The following ANKRD13D variants were observed in gnomAD, a reference collection of about 807,000 sequenced individuals.
The protein encoded by ANKRD13D is ankyrin repeat domain-containing protein 13D.
Under a neutral mutation model 68.8 loss-of-function variants are expected in ANKRD13D, and 24 were observed. The ratio of observed to expected loss-of-function variants is 0.35; its 90% confidence interval spans 0.25 to 0.49. ANKRD13D has a LOEUF of 0.49. Among genes scored for constraint, ANKRD13D ranks in the 20% least tolerant of loss-of-function variants. ANKRD13D has a pLI of 0.99. For missense variants in ANKRD13D, 735 were observed against 832.1 expected, an observed-to-expected ratio of 0.88 and a Z score of 1.44; for synonymous variants, 331 against 336.1, an observed-to-expected ratio of 0.98 and a Z score of 0.16.
intron 1 of ANKRD13D, 65 bp from the exon 2 acceptor site, chr11:67,290,013 C>A: frequency 6.7e-7 from 1 of 1,495,334 alleles, no homozygotes; most frequent in South Asian, 1.3e-5. Context: ...ACCCTGCTCG[C>A]CCTGGCAGCC....
intron 3 of ANKRD13D, chr11:67,290,661 C>G (rs567138270): frequency 6.0e-6 from 4 of 668,992 alleles, no homozygotes; most frequent in Non-Finnish European, 9.3e-6. Flanking sequence ...GGAAGAGAAG[C>G]CTTGCCAGCT....
At chr11:67,291,084 G>A (rs959087354) in intron 3 of ANKRD13D, 2 of 232,036 alleles carry the variant, frequency 8.6e-6, no homozygotes, top group African/African-American at 2.4e-5. Context: ...AGGGCCAGGC[G>A]TTGTGGCTTA....
At chr11:67,293,016 A>G (rs1860637216) in intron 6 of ANKRD13D, among the ~76,000 whole-genome samples, 1 of 152,208 alleles carries the variant, frequency 6.6e-6, no homozygotes, top group Admixed American at 6.5e-5. Flanking sequence ...CCATTGTATG[A>G]ATATACCATA....
intron 6 of ANKRD13D, among the ~76,000 whole-genome samples, chr11:67,294,560 A>C (rs570211384): frequency 7.0e-6 from 1 of 142,788 alleles, no homozygotes; most frequent in South Asian, 2.2e-4. Flanking sequence ...TTTTTTTTTG[A>C]GATGGAGTCT....
chr11:67,290,973 T>C (rs1420189846), intron 3 of ANKRD13D: 8 of 179,570 alleles, frequency 4.5e-5, no homozygotes, highest in Non-Finnish European at 8.3e-5. Flanking sequence ...GCTTACAGCC[T>C]CATTGTCTGA....
Position 67,292,115 on chromosome 11 carries a change from G to A in ANKRD13D, c.666G>A (p.Val222=). ...LAAMRPSEEH[V]ASRLTSPIVS... is the part of the protein sequence containing the mutation. ...CCATGCGGCCCAGCGAGGAGCATGTGGCCAGTCGCCTCACCTCTCCTATCG... is the reference window on the plus strand; with the variant it reads ...CCATGCGGCCCAGCGAGGAGCATGTAGCCAGTCGCCTCACCTCTCCTATCG... Residue 222 remains valine, a synonymous_variant, in exon 6 of 15, where the codon GTG becomes GTA. Coordinates refer to ENST00000511455, the MANE Select transcript of ANKRD13D (RefSeq NM_207354.3). 1.2e-6 allele frequency: 2 copies of A among 1,612,502 alleles called. No homozygotes were observed. The highest frequency in any genetic ancestry group is 1.3e-5 in the African/African-American group (1 of 75,054).
intron 6 of ANKRD13D, among the ~76,000 whole-genome samples, chr11:67,294,497 C>G (rs1471337446): frequency 6.6e-6 from 1 of 151,656 alleles, no homozygotes; most frequent in African/African-American, 2.4e-5. Flanking sequence ...ACTTTTGTTA[C>G]ATTTATTCCT....
At position 67,300,187 on chromosome 11, in the gene ANKRD13D, G is replaced by A. The variant is rs1860925439; in HGVS notation, c.1073+64G>A. The A allele has an allele frequency of 1.2e-6, 2 of 1,601,384 alleles. No individual in the cohort carries two copies. Among genetic ancestry groups the A allele is most frequent in the South Asian group, 2.2e-5 (2 of 89,530 alleles). ...AAGGGCTCTTGCAGACCCCTCTCTG[G>A]GCCTGTCATAGTTAGGGACCCACTC... On this transcript the variant is annotated intron_variant, in intron 10 of 14. Coordinates refer to ENST00000511455, the MANE Select transcript of ANKRD13D (RefSeq NM_207354.3). The surrounding 1 kb of genome is among the most constrained non-coding windows in gnomAD (Gnocchi z 4.3).
chr11:67,292,420 T>C (rs1280869760), intron 6 of ANKRD13D, among the ~76,000 whole-genome samples: 1 of 152,184 alleles, frequency 6.6e-6, no homozygotes. Flanking sequence ...GTTTCTTGAC[T>C]TCTGACCTCA....
chr11:67,300,675 C>A lies in ANKRD13D; in HGVS notation c.1074-315C>A. On this transcript the variant is annotated intron_variant, in intron 10 of 14. Transcript: ENST00000511455. The surrounding 1 kb of genome is among the most constrained non-coding windows in gnomAD (Gnocchi z 4.3). Reference sequence around the variant, plus strand: ...ACGTGAGCTGGTGACCAGCTCTGGGCTGAGGAGGAAAACGGGGCTGTGGGC... The same window carrying A: ...ACGTGAGCTGGTGACCAGCTCTGGGATGAGGAGGAAAACGGGGCTGTGGGC... 2.0e-6 allele frequency: 1 copy of A among 506,808 alleles called. No homozygotes were observed. The highest frequency in any genetic ancestry group is 3.5e-6 in the Non-Finnish European group (1 of 288,018). The allele number at this position is 506,808 out of a possible 1,614,324, so 31.4% of individuals were successfully genotyped here.
Position 67,301,918 on chromosome 11 carries a change from C to T in ANKRD13D, c.1604+95C>T. On this transcript the variant is annotated intron_variant, in intron 14 of 14. Transcript: ENST00000511455. The surrounding 1 kb of genome is among the most constrained non-coding windows in gnomAD (Gnocchi z 4.5). ...GGAAGGTGCTAGGACCCCAGGCCCT[C>T]TGCAAGGCCACCCTCTGTCAGCAGC... 1.4e-6 allele frequency: 2 copies of T among 1,398,416 alleles called. No homozygotes were observed. The highest frequency in any genetic ancestry group is 1.9e-6 in the Non-Finnish European group (2 of 1,044,294). The allele number at this position is 1,398,416 out of a possible 1,614,324, so 86.6% of individuals were successfully genotyped here.
intron 14 of ANKRD13D, 109 bp from the exon 15 acceptor site, chr11:67,302,010 C>T (rs1861027342): frequency 2.9e-6 from 4 of 1,395,824 alleles, no homozygotes; most frequent in Admixed American, 2.7e-5. Flanking sequence ...CCTCTGCTTG[C>T]CACCCTGTCT....
At position 67,289,523 on chromosome 11, in the gene ANKRD13D, A is replaced by G; in HGVS notation, c.63A>G (p.Glu21=). 1 of 1,521,782 alleles carries G rather than the reference A, an allele frequency of 6.6e-7. No homozygotes were observed. Among genetic ancestry groups the G allele is most frequent in the Non-Finnish European group, 8.8e-7 (1 of 1,141,932 alleles). 94.3% of individuals were successfully genotyped at this position (1,521,782 alleles called of 1,614,324 possible). The change falls in exon 1 of 15, where the codon GAA becomes GAG. Residue 21 remains glutamate (E), a synonymous_variant. Transcript: ENST00000511455. ...HRLVWANRHR[E]LEAALHSHQH... ...TCGTCTGGGCGAACCGGCATCGCGA[A>G]CTGGAGGCCGCACTGCACAGCCACC... is the stretch of plus-strand genomic sequence containing the variant.
chr11:67,302,013 C>G, intron 14 of ANKRD13D, 106 bp from the exon 15 acceptor site: 1 of 1,405,084 alleles, frequency 7.1e-7, no homozygotes, highest in Non-Finnish European at 9.5e-7. Context: ...CTGCTTGCCA[C>G]CCTGTCTTTG....
Position 67,299,761 on chromosome 11 carries a change from G to C in ANKRD13D, c.881-66G>C. 6.5e-7 allele frequency: 1 copy of C among 1,534,846 alleles called. No individual in the cohort carries two copies. Among genetic ancestry groups the C allele is most frequent in the Non-Finnish European group, 8.8e-7 (1 of 1,138,500 alleles). On this transcript the variant is annotated intron_variant, in intron 8 of 14. Transcript: ENST00000511455. The surrounding 1 kb of genome is among the most constrained non-coding windows in gnomAD (Gnocchi z 6.2). ...CTTCCCCCAGACAGTAGGCTCCAGG[G>C]GTGGAGGTGGGCAGGGGCGATGCGA...
In ANKRD13D at chr11:67,300,158, G is replaced by A; in HGVS notation, c.1073+35G>A. The A allele has an allele frequency of 6.2e-7, 1 of 1,612,054 alleles. No individual in the cohort carries two copies. The highest frequency in any genetic ancestry group is 1.1e-5 in the South Asian group (1 of 90,948). On this transcript the variant is annotated intron_variant, in intron 10 of 14. Transcript: ENST00000511455. This position sits in a 1 kb window ranked among gnomAD's most constrained non-coding sequence, Gnocchi z 4.3. ...GAGAGCTGGCTGGGGACTTGCCTCG[G>A]GACAAGGGCTCTTGCAGACCCCTCT...
chr11:67,297,823 C>G (rs1188796041), intron 6 of ANKRD13D: 3 of 152,052 alleles, frequency 2.0e-5, no homozygotes, highest in African/African-American at 4.8e-5. Flanking sequence ...CCGTGCCCGG[C>G]CATAAGTTTT....
In ANKRD13D at chr11:67,300,424, C is replaced by T. The variant is rs1417583070; in HGVS notation, c.1073+301C>T. On this transcript the variant is annotated intron_variant, in intron 10 of 14. Coordinates refer to ENST00000511455, the MANE Select transcript of ANKRD13D (RefSeq NM_207354.3). This position sits in a 1 kb window ranked among gnomAD's most constrained non-coding sequence, Gnocchi z 4.3. ...GCACAGTGGGAAGGGCCCCCAGCGA[C>T]GTGGCCTGGGAGTGGAGCGTCTGCC... The T allele has an allele frequency of 1.0e-5, 4 of 395,450 alleles. No individual in the cohort carries two copies. The highest frequency in any genetic ancestry group is 4.0e-5 in the Admixed American group (1 of 24,812). 24.5% of individuals were successfully genotyped at this position (395,450 alleles called of 1,614,324 possible).
rs1861043604 is a variant in ANKRD13D, at chr11:67,302,267, C to T, written c.1753C>T (p.Arg585Trp). 3 of 1,569,090 alleles carry T rather than the reference C, an allele frequency of 1.9e-6. No individual in the cohort carries two copies. Among genetic ancestry groups the T allele is most frequent in the Admixed American group, 1.9e-5 (1 of 53,604 alleles). ...TTCACGGGAGCAGGAGGAGCGGGAGCGGCGCGGGCAGCAGGAGGAGGAGGA... is the reference window on the plus strand; with the variant it reads ...TTCACGGGAGCAGGAGGAGCGGGAGTGGCGCGGGCAGCAGGAGGAGGAGGA... ...LSSREQEERE[R>W]RGQQEEEDLQ... Residue 585 changes from arginine to tryptophan, a missense_variant, in exon 15 of 15, where the codon CGG (arginine) becomes TGG (tryptophan). By Grantham distance (101) the Arg-to-Trp change is moderately radical. Transcript: ENST00000511455.
Sources: gnomAD v4.1 joint callset for allele counts (sites outside exome capture counted in the v4.1 genomes callset) on GRCh38, gnomAD v4.1.1 for gene constraint, Gnocchi (gnomAD v3.1) non-coding constraint, MANE v1.5 for transcripts, NCBI Gene and HGNC (gene_info 2026-07-23, HGNC 2026-07-21) for gene names.